SRPX2: variants seen among roughly 807,000 people sequenced by gnomAD.
SRPX2 encodes sushi repeat containing protein X-linked 2, also known as sushi repeat-containing protein SRPX2.
A neutral mutation model predicts 45.3 loss-of-function variants in SRPX2; 26 were observed. The observed-to-expected ratio is 0.57, with a 90% CI of 0.42 to 0.80. SRPX2 has a LOEUF of 0.80. Ranked by LOEUF, SRPX2 falls within the 30% of genes least tolerant of loss-of-function variation. The pLI, the probability that SRPX2 is intolerant of heterozygous loss-of-function variation, is 0.00. For synonymous variants in SRPX2, 125 were observed against 143.7 expected (o/e 0.87, Z 0.93); for missense variants, 355 against 399.8 (o/e 0.89, Z 0.95).
rs760264539 is a variant in SRPX2, at chrX:100,662,392, G to C, written c.355+25G>C. On this transcript the variant is annotated intron_variant, in intron 4 of 10. Transcript: ENST00000373004. ...CGTAAGTTGTGTGTGTGCATATGCTGATGTATGTATGCGAGAGAAGCCAGC... is the reference window on the plus strand; with the variant it reads ...CGTAAGTTGTGTGTGTGCATATGCTCATGTATGTATGCGAGAGAAGCCAGC... 5.0e-6 allele frequency: 6 copies of C among 1,207,981 alleles called. No homozygotes were observed. In the East Asian group the frequency reaches 8.9e-5, roughly 18 times the overall value.
rs766670891 is a variant in SRPX2, at chrX:100,650,801, G to T, written c.99G>T (p.Pro33=). The change falls in exon 3 of 11, where the codon CCG becomes CCT. Residue 33 remains proline (P), a synonymous_variant. Transcript: ENST00000373004. ...PTWYAGSGYY[P]DESYNEVYAE... ...TTATTCTAGGTTCTGGCTACTATCC[G>T]GATGAAAGCTACAATGAAGTATATG... The T allele has an allele frequency of 1.7e-6, 2 of 1,210,483 alleles. No individual in the cohort carries two copies. The highest frequency in any genetic ancestry group is 2.2e-5 in the Admixed American group (1 of 46,022).
At chrX:100,657,530 T>C (rs992588038) in intron 3 of SRPX2, among the ~76,000 whole-genome samples, 2 of 106,134 alleles carry the variant, frequency 1.9e-5, no homozygotes, top group African/African-American at 3.4e-5. Context: ...TTTGGATTTT[T>C]AGTAGAGACG....
intron 3 of SRPX2, 68 bp from the exon 4 acceptor site, chrX:100,662,108 G>C: frequency 9.0e-7 from 1 of 1,105,981 alleles, no homozygotes; most frequent in Non-Finnish European, 1.2e-6. Context: ...TGACCTATTT[G>C]TCTTTTCACC....
chrX:100,666,967 T>C, intron 8 of SRPX2, 34 bp downstream of exon 8: 3 of 1,194,273 alleles, frequency 2.5e-6, no homozygotes, highest in Non-Finnish European at 3.4e-6. Context: ...CAAGTGGATG[T>C]GGTGATCAGG....
intron 2 of SRPX2, chrX:100,649,497 G>A (rs2083145753): frequency 9.0e-6 from 1 of 110,688 alleles, no homozygotes; most frequent in African/African-American, 3.3e-5. Flanking sequence ...AAAGAAAAAG[G>A]GGAAAAAGAA....
At chrX:100,658,634 A>G (rs776313725) in intron 3 of SRPX2, among the ~76,000 whole-genome samples, 10 of 111,539 alleles carry the variant, frequency 9.0e-5, no homozygotes, top group African/African-American at 3.3e-4. Context: ...TGCTTTTTAT[A>G]TTTCTGTGAA....
Position 100,664,848 on chromosome X carries a change from C to T in SRPX2, c.430C>T (p.Arg144Cys), listed in dbSNP as rs1321085518. ...CACAAATGGAGTGCTTCTTGACTCTCGCTGTGACTACAGCTGTTCCAGTGG... is the reference window on the plus strand; with the variant it reads ...CACAAATGGAGTGCTTCTTGACTCTTGCTGTGACTACAGCTGTTCCAGTGG... ...TCTNGVLLDSRCDYSCSSGYH... is the reference protein window; with the variant it reads ...TCTNGVLLDSCCDYSCSSGYH... The change falls in exon 5 of 11, where the codon CGC (arginine) becomes TGC (cysteine). Residue 144 changes from arginine to cysteine, a missense_variant. Physicochemically the swap from Arg to Cys is radical, Grantham distance 180. Coordinates refer to ENST00000373004, the MANE Select transcript of SRPX2 (RefSeq NM_014467.3). The T allele has an allele frequency of 2.5e-6, 3 of 1,208,108 alleles. No individual in the cohort carries two copies. The highest frequency in any genetic ancestry group is 1.8e-5 in the South Asian group (1 of 56,105).
chrX:100,665,425 C>G, intron 6 of SRPX2, 56 bp downstream of exon 6: 2 of 1,205,603 alleles, frequency 1.7e-6, no homozygotes, highest in Non-Finnish European at 2.2e-6. Flanking sequence ...CTCAGTCATT[C>G]AGGCTGGTCA....
At chrX:100,667,099 C>A (rs897019331) in intron 8 of SRPX2, among the ~76,000 whole-genome samples, 166 bp downstream of exon 8, 1 of 112,087 alleles carries the variant, frequency 8.9e-6, no homozygotes, top group Non-Finnish European at 1.9e-5. Context: ...CTACTCCTAC[C>A]CCAAGAAGAA....
chrX:100,666,583 T>C (rs945132533), intron 7 of SRPX2, among the ~76,000 whole-genome samples, 171 bp from the exon 8 acceptor site: 11 of 112,691 alleles, frequency 9.8e-5, no homozygotes, highest in African/African-American at 3.5e-4. Flanking sequence ...CAGATTTAAT[T>C]CCTTAAGAAA....
intron 3 of SRPX2, among the ~76,000 whole-genome samples, chrX:100,657,920 G>A (rs1389937689): frequency 5.3e-5 from 6 of 112,624 alleles, no homozygotes; most frequent in Admixed American, 9.3e-5. Context: ...GAGCCACTGC[G>A]CCCAGCCCCT....
rs2073164 is a variant in SRPX2, at chrX:100,650,685, T to C, written c.83-100T>C. Reference sequence around the variant, plus strand: ...CTGGCTCCCCACCCATGGAATGCCATGTCCTAAGGAAGTGACAAAGTTGGA... The same window carrying C: ...CTGGCTCCCCACCCATGGAATGCCACGTCCTAAGGAAGTGACAAAGTTGGA... On this transcript the variant is annotated intron_variant, in intron 2 of 10. Coordinates refer to ENST00000373004, the MANE Select transcript of SRPX2 (RefSeq NM_014467.3). 0.03 allele frequency: 23,274 copies of C among 769,784 alleles called. 652 individuals carry two copies. Among genetic ancestry groups the C allele is most frequent in the East Asian group, 0.12 (3,677 of 30,567 alleles). 63.4% of individuals were successfully genotyped at this position (769,784 alleles called of 1,213,427 possible). A position where few individuals can be genotyped will look rare whatever the true frequency, so the allele number is the denominator to read the frequency against.
chrX:100,650,948 C>A, intron 3 of SRPX2, 83 bp downstream of exon 3: 1 of 796,317 alleles, frequency 1.3e-6, no homozygotes, highest in East Asian at 3.2e-5. Context: ...CCCCATCAGG[C>A]TTGGCTCACA....
intron 9 of SRPX2, 47 bp downstream of exon 9, chrX:100,667,454 C>T: frequency 8.3e-7 from 1 of 1,202,754 alleles, no homozygotes; most frequent in Non-Finnish European, 1.1e-6. Context: ...TAAATTATCC[C>T]TTACCTTTTC....
At chrX:100,669,135 G>C in intron 9 of SRPX2, 113 bp from the exon 10 acceptor site, 2 of 1,028,430 alleles carry the variant, frequency 1.9e-6, no homozygotes, top group Non-Finnish European at 2.7e-6. Flanking sequence ...ATCATTGGGG[G>C]AGAAGGAGCT....
At position 100,671,086 on chromosome X, in the gene SRPX2, G is replaced by A. The variant is rs1326129929; in HGVS notation, c.*99G>A. 3.0e-5 allele frequency: 29 copies of A among 967,255 alleles called. No homozygotes were observed. The East Asian group carries it at 8.7e-4, about 29-fold the overall frequency. The allele number at this position is 967,255 out of a possible 1,213,427, so 79.7% of individuals were successfully genotyped here. On this transcript the variant is annotated 3_prime_UTR_variant, in exon 11 of 11. Coordinates refer to ENST00000373004, the MANE Select transcript of SRPX2 (RefSeq NM_014467.3). ...AGGAAATGTTTTCCCACAGTTCTAG[G>A]GACAGGACTCTGAGGTGGGTGAGTT...
At chrX:100,669,416 CGGGGGG>C in intron 10 of SRPX2, 47 bp downstream of exon 10, 3 of 104,445 alleles carry the variant, frequency 2.9e-5, no homozygotes, top group East Asian at 2.5e-4. Context: ...GGGGCTGGGG[CGGGGGG>C]AGAAACCCTA....
intron 3 of SRPX2, among the ~76,000 whole-genome samples, chrX:100,656,556 G>T (rs2083169934): frequency 9.0e-6 from 1 of 111,724 alleles, no homozygotes; most frequent in South Asian, 3.8e-4. Flanking sequence ...ACAATTAAAT[G>T]AGAACATGCA....
At chrX:100,644,711 G>T (rs903223289) in intron 1 of SRPX2, among the ~76,000 whole-genome samples, 196 bp downstream of exon 1, 4 of 111,235 alleles carry the variant, frequency 3.6e-5, no homozygotes, top group South Asian at 3.9e-4. Flanking sequence ...CAACTTCTCA[G>T]CCCACAGCAG....
Sources: gnomAD v4.1 joint callset for allele counts (sites outside exome capture counted in the v4.1 genomes callset) on GRCh38, gnomAD v4.1.1 for gene constraint, MANE v1.5 for transcripts, NCBI Gene and HGNC (gene_info 2026-07-23, HGNC 2026-07-21) for gene names.